Variants in FBRSL1 observed in about 807,000 individuals in gnomAD.
The protein encoded by FBRSL1 is fibrosin-1-like protein.
FBRSL1 carries 51 observed loss-of-function variants against 89.6 expected under a neutral mutation model. The ratio of observed to expected loss-of-function variants is 0.57; its 90% CI spans 0.45 to 0.72. The LOEUF is 0.72. Among genes scored for constraint, FBRSL1 ranks in the 30% least tolerant of loss-of-function variants. The pLI is 0.00. For synonymous variants in FBRSL1, 779 were observed against 681.1 expected, an observed-to-expected ratio of 1.14 and a Z score of -2.24; for missense variants, 1,618 against 1,451.8, an observed-to-expected ratio of 1.11 and a Z score of -1.86.
chr12:132,550,996 C>T, intron 5 of FBRSL1: 1 of 250,178 alleles, frequency 4.0e-6, no homozygotes. Flanking sequence ...AGCCAGCACC[C>T]CACTGGCCGT....
At chr12:132,564,254 T>C (rs12809318) in intron 5 of FBRSL1, among the ~76,000 whole-genome samples, 91,358 of 152,096 alleles carry the variant, frequency 0.6, 28,422 homozygotes, top group East Asian at 0.86. Flanking sequence ...GCCGCCTCCC[T>C]TCTGCCCTGA....
Position 132,572,272 on chromosome 12 carries a change from T to C in FBRSL1, c.1378-16T>C. On this transcript the variant is annotated splice_polypyrimidine_tract_variant and intron_variant, in intron 9 of 18. Transcript: ENST00000680143. Reference sequence around the variant, plus strand: ...TCGTGTGTGCGGGGCCTCACCCTCCTCTCCTTCCCTTCCAGTTTGACAAGT... The same window carrying C: ...TCGTGTGTGCGGGGCCTCACCCTCCCCTCCTTCCCTTCCAGTTTGACAAGT... 6.4e-7 allele frequency: 1 copy of C among 1,550,484 alleles called. No individual in the cohort carries two copies. The highest frequency in any genetic ancestry group is 8.7e-7 in the Non-Finnish European group (1 of 1,146,450).
At chr12:132,504,166 T>C (rs911758522) in intron 1 of FBRSL1, among the ~76,000 whole-genome samples, 4 of 152,130 alleles carry the variant, frequency 2.6e-5, no homozygotes, top group African/African-American at 7.2e-5. Flanking sequence ...TGCTGTGGTT[T>C]CAGGAGCAGG....
intron 4 of FBRSL1, among the ~76,000 whole-genome samples, chr12:132,530,938 C>T (rs11146914): frequency 0.36 from 53,593 of 148,256 alleles, 10,172 homozygotes; most frequent in Non-Finnish European, 0.43. Flanking sequence ...GGCCTTGGTC[C>T]AGTGTGGCCC....
At chr12:132,490,945 G>A (rs2030792435) in intron 1 of FBRSL1, 84 bp downstream of exon 1, 2 of 1,022,638 alleles carry the variant, frequency 2.0e-6, no homozygotes, top group Non-Finnish European at 1.2e-6. Context: ...GGGACCCCTG[G>A]GCTTGCGACC....
chr12:132,511,834 T>TGCCCCCCCCCCCCGC, intron 2 of FBRSL1: 1 of 899,080 alleles, frequency 1.1e-6, no homozygotes, highest in Non-Finnish European at 1.3e-6. Flanking sequence ...GCCCCCTCGC[T>TGCCCCCCCCCCCCGC]CCCCACCCAC....
chr12:132,571,527 G>A, intron 9 of FBRSL1: 1 of 1,500,800 alleles, frequency 6.7e-7, no homozygotes, highest in Non-Finnish European at 8.9e-7. Context: ...CCCCGCCGGT[G>A]CGTAGGCCCG....
Position 132,535,397 on chromosome 12 carries a change from G to A in FBRSL1, c.615+7409G>A, listed in dbSNP as rs572696377. Among the ~76,000 whole-genome samples, 9 of 152,344 alleles carry A rather than the reference G, an allele frequency of 5.9e-5. No homozygotes were observed. In the South Asian group the frequency reaches 1.0e-3, roughly 18 times the overall value. Reference sequence around the variant, plus strand: ...TGGATTTGAGATCCACACGCCATCCGCTGTGGGGACGTAGAGGGAGAGATG... The same window carrying A: ...TGGATTTGAGATCCACACGCCATCCACTGTGGGGACGTAGAGGGAGAGATG... On this transcript the variant is annotated intron_variant, in intron 4 of 18. Transcript: ENST00000680143.
At chr12:132,505,643 G>C (rs975433819) in intron 1 of FBRSL1, among the ~76,000 whole-genome samples, 1 of 152,224 alleles carries the variant, frequency 6.6e-6, no homozygotes, top group South Asian at 2.1e-4. Flanking sequence ...TGGGGTGTTG[G>C]GTGCAGCGGT....
chr12:132,581,923 C>T, intron 17 of FBRSL1, 99 bp downstream of exon 17: 1 of 1,333,456 alleles, frequency 7.5e-7, no homozygotes, highest in South Asian at 1.4e-5. Flanking sequence ...GACCTCCCTC[C>T]TCTCTGGGCT....
chr12:132,521,530 C>T (rs1041073825), intron 2 of FBRSL1, among the ~76,000 whole-genome samples: 1 of 152,170 alleles, frequency 6.6e-6, no homozygotes. Context: ...AGGCAGCCCC[C>T]GACTCTCACC....
intron 5 of FBRSL1, chr12:132,553,756 GA>G: frequency 6.6e-6 from 1 of 152,374 alleles, no homozygotes; most frequent in Admixed American, 6.5e-5. Flanking sequence ...ATGGGAGTGC[GA>G]GGGGGGTCTC....
rs4883578 is a variant in FBRSL1 at position 132,490,757 on chromosome 12, A to G, written c.187A>G (p.Thr63Ala). 926,185 of 1,089,484 alleles carry G rather than the reference A, an allele frequency of 0.85. 387,168 individuals carry two copies. The highest frequency in any genetic ancestry group is 0.95 in the South Asian group (22,987 of 24,104). 67.5% of individuals were successfully genotyped at this position (1,089,484 alleles called of 1,614,324 possible). ...CCGAGGCGCCGCCCCCGCGCCCCGC[A>G]CCGCGCGTCCCCCGCGCCGCCGCCG... ...PPRGAAPAPR[T>A]ARPPRRRRRE... is the part of the protein sequence containing the mutation. The change falls in exon 1 of 19, where the codon ACC becomes GCC. Residue 63 changes from threonine (T) to alanine (A), a missense_variant. Transcript: ENST00000680143.
intron 5 of FBRSL1, among the ~76,000 whole-genome samples, chr12:132,550,152 G>A (rs996157968): frequency 2.8e-5 from 4 of 141,014 alleles, no homozygotes; most frequent in African/African-American, 5.7e-5. Flanking sequence ...CGTTGGGGCC[G>A]TGTTGGGGCT....
rs566293599 is a variant in FBRSL1 at position 132,581,574 on chromosome 12, CG to C, written c.1912+63del. 108 of 1,537,480 alleles carry C rather than the reference CG, an allele frequency of 7.0e-5. No homozygotes were observed. In the African/African-American group the frequency reaches 1.4e-3, roughly 20 times the overall value. ...GGCTGGTTCCTCAGCAGCCTTGTGG[CG>C]GGGGAATTAGGTGGGCGGGAAGGTG... On this transcript the variant is annotated intron_variant, in intron 16 of 18. Coordinates refer to ENST00000680143, the MANE Select transcript of FBRSL1 (RefSeq NM_001367871.1).
intron 4 of FBRSL1, among the ~76,000 whole-genome samples, chr12:132,545,565 G>C (rs2037620364): frequency 6.6e-6 from 1 of 152,230 alleles, no homozygotes; most frequent in African/African-American, 2.4e-5. Flanking sequence ...CCTCGCCTGT[G>C]TGGTCAGCCT....
intron 5 of FBRSL1, among the ~76,000 whole-genome samples, chr12:132,563,652 G>C (rs575092961): frequency 2.0e-5 from 3 of 152,032 alleles, no homozygotes; most frequent in Non-Finnish European, 4.4e-5. Flanking sequence ...TATTTTTGCA[G>C]TAAATGCAGC....
At chr12:132,493,822 G>A (rs969013896) in intron 1 of FBRSL1, among the ~76,000 whole-genome samples, 6 of 152,198 alleles carry the variant, frequency 3.9e-5, no homozygotes, top group Non-Finnish European at 8.8e-5. Context: ...CGCTTGTCCT[G>A]GGCCTGTGTG....
intron 15 of FBRSL1, 79 bp downstream of exon 15, chr12:132,577,010 G>C: frequency 2.0e-6 from 3 of 1,492,650 alleles, no homozygotes; most frequent in South Asian, 2.6e-5. Context: ...CCTGTGCCAG[G>C]AGTGAGAGCG....
Sources: gnomAD v4.1 joint callset for allele counts (sites outside exome capture counted in the v4.1 genomes callset) on GRCh38, gnomAD v4.1.1 for gene constraint, MANE v1.5 for transcripts, NCBI Gene and HGNC (gene_info 2026-07-23, HGNC 2026-07-21) for gene names.